The following LRP1B variants were observed in gnomAD, a reference collection of about 807,000 sequenced individuals.
The protein encoded by LRP1B is low-density lipoprotein receptor-related protein 1B.
A neutral mutation model predicts 556.6 loss-of-function variants in LRP1B; 217 were observed. That is an observed-to-expected ratio of 0.39 (90% CI 0.35 to 0.44). The LOEUF is 0.44. Ranked by LOEUF, LRP1B falls within the 20% of genes least tolerant of loss-of-function variation. The pLI is 1.00. For missense variants in LRP1B, 5,053 were observed against 5,620.8 expected (o/e 0.90, Z 3.23); for synonymous variants, 2,047 against 1,865.8 (o/e 1.10, Z -2.50).
intron 2 of LRP1B, among the ~76,000 whole-genome samples, chr2:141,487,170 A>G (rs1683153115): frequency 6.6e-6 from 1 of 152,088 alleles, no homozygotes; most frequent in African/African-American, 2.4e-5. Context: ...ATATACTGTC[A>G]TTTCTTTTCC....
chr2:140,598,498 A>T (rs1682528677), intron 43 of LRP1B, 133 bp downstream of exon 43: 1 of 664,534 alleles, frequency 1.5e-6, no homozygotes, highest in South Asian at 2.0e-5. Flanking sequence ...TAGATTAGTT[A>T]TTCAATTGGA....
rs139671173 is a variant in LRP1B, at chr2:141,274,595, T to A, written c.344-19954A>T. Among the ~76,000 whole-genome samples the A allele has an allele frequency of 3.2e-3, 489 of 152,316 alleles. 3 individuals carry two copies. Among genetic ancestry groups the A allele is most frequent in the African/African-American group, 0.011 (464 of 41,562 alleles). On this transcript the variant is annotated intron_variant, in intron 3 of 90. Coordinates refer to ENST00000389484, the MANE Select transcript of LRP1B (RefSeq NM_018557.3). Reference sequence around the variant, plus strand: ...ACTGCTAATGGATGCATGGCTATTTTTGGCATAATGAAAATGTTCTATAAT... The same window carrying A: ...ACTGCTAATGGATGCATGGCTATTTATGGCATAATGAAAATGTTCTATAAT...
intron 1 of LRP1B, among the ~76,000 whole-genome samples, chr2:141,945,659 C>T (rs1456801109): frequency 2.6e-5 from 4 of 151,580 alleles, no homozygotes; most frequent in African/African-American, 9.7e-5. Context: ...TAATGCCCAC[C>T]CAGTTTTACT....
intron 32 of LRP1B, among the ~76,000 whole-genome samples, chr2:140,788,075 T>G (rs12691571): frequency 0.42 from 64,485 of 151,908 alleles, 13,976 homozygotes; most frequent in African/African-American, 0.5. Flanking sequence ...CATGAGTAAG[T>G]TACTTGGACT....
intron 2 of LRP1B, among the ~76,000 whole-genome samples, chr2:141,606,606 A>G (rs1039364243): frequency 6.6e-6 from 1 of 152,216 alleles, no homozygotes. Context: ...GGGCCTTAAT[A>G]CAATCTGACT....
At chr2:142,097,232 G>A (rs1706407617) in intron 1 of LRP1B, among the ~76,000 whole-genome samples, 1 of 151,600 alleles carries the variant, frequency 6.6e-6, no homozygotes, top group Admixed American at 6.6e-5. Context: ...CACATATATG[G>A]TGAAAACAAT....
At chr2:142,112,649 C>T (rs1707043764) in intron 1 of LRP1B, among the ~76,000 whole-genome samples, 1 of 152,074 alleles carries the variant, frequency 6.6e-6, no homozygotes, top group Non-Finnish European at 1.5e-5. Flanking sequence ...TTGACAATAA[C>T]ATTTTTGAAT....
intron 2 of LRP1B, among the ~76,000 whole-genome samples, chr2:141,758,035 T>A (rs1170176207): frequency 1.3e-5 from 2 of 152,178 alleles, no homozygotes; most frequent in Non-Finnish European, 2.9e-5. Context: ...AAACAGGTTA[T>A]GCGTAGCTGC....
intron 1 of LRP1B, among the ~76,000 whole-genome samples, chr2:142,072,747 C>T (rs922260820): frequency 3.3e-5 from 5 of 151,962 alleles, no homozygotes; most frequent in African/African-American, 7.2e-5. Context: ...TTATTATTCT[C>T]TTTTGTAATC....
intron 14 of LRP1B, among the ~76,000 whole-genome samples, chr2:141,013,218 C>T (rs1395058506): frequency 6.6e-6 from 1 of 151,928 alleles, no homozygotes; most frequent in African/African-American, 2.4e-5. Flanking sequence ...GAAGTTCTAA[C>T]ATTTAACAAT....
At chr2:140,517,364 C>T (rs1423615721) in intron 49 of LRP1B, among the ~76,000 whole-genome samples, 1 of 151,864 alleles carries the variant, frequency 6.6e-6, no homozygotes, top group Admixed American at 6.6e-5. Context: ...AGCCTAAGGC[C>T]AAAGAATAAT....
At chr2:141,834,951 G>A (rs1697223654) in intron 1 of LRP1B, among the ~76,000 whole-genome samples, 1 of 151,742 alleles carries the variant, frequency 6.6e-6, no homozygotes. Context: ...AGATACACAA[G>A]AAAAAAGACC....
At chr2:142,092,079 C>T (rs1395877718) in intron 1 of LRP1B, among the ~76,000 whole-genome samples, 1 of 152,198 alleles carries the variant, frequency 6.6e-6, no homozygotes, top group Non-Finnish European at 1.5e-5. Context: ...TTGTGGGTCA[C>T]CACAGAACCC....
intron 2 of LRP1B, among the ~76,000 whole-genome samples, chr2:141,802,960 G>A (rs2105691502): frequency 6.6e-6 from 1 of 152,116 alleles, no homozygotes; most frequent in East Asian, 1.9e-4. Context: ...TTAAGCCAAG[G>A]AGATTTCACC....
At chr2:141,103,429 C>A (rs891731540) in intron 7 of LRP1B, among the ~76,000 whole-genome samples, 1 of 150,928 alleles carries the variant, frequency 6.6e-6, no homozygotes, top group Non-Finnish European at 1.5e-5. Context: ...TCACTTGTGG[C>A]AGCAACAGAA....
chr2:140,536,343 G>A (rs6722976), intron 46 of LRP1B, among the ~76,000 whole-genome samples: 14 of 98,524 alleles, frequency 1.4e-4, no homozygotes, highest in Admixed American at 4.8e-4. Context: ...AAAAAAAAAA[G>A]GCTATTTTGT....
chr2:141,443,462 T>C (rs971407666), intron 3 of LRP1B, among the ~76,000 whole-genome samples: 2 of 152,202 alleles, frequency 1.3e-5, no homozygotes, highest in African/African-American at 4.8e-5. Flanking sequence ...ATTTTGGCTT[T>C]TGTTGCCATT....
intron 84 of LRP1B, among the ~76,000 whole-genome samples, chr2:140,287,006 T>TAC (rs1461003888): frequency 1.3e-5 from 2 of 151,788 alleles, no homozygotes; most frequent in Non-Finnish European, 2.9e-5. Context: ...AGTTATAGAA[T>TAC]ACTGTTTGTT....
chr2:141,205,710 T>C (rs1055967187), intron 6 of LRP1B, among the ~76,000 whole-genome samples: 5 of 152,282 alleles, frequency 3.3e-5, no homozygotes, highest in Non-Finnish European at 5.9e-5. Context: ...CAGTAAAACT[T>C]GCATCTGATA....
Sources: gnomAD v4.1 joint callset for allele counts (sites outside exome capture counted in the v4.1 genomes callset) on GRCh38, gnomAD v4.1.1 for gene constraint, MANE v1.5 for transcripts, NCBI Gene and HGNC (gene_info 2026-07-23, HGNC 2026-07-21) for gene names.